MDN1: variants seen among roughly 807,000 people sequenced by gnomAD.
MDN1 encodes midasin.
A neutral mutation model predicts 669.2 loss-of-function variants in MDN1; 266 were observed. That is an observed-to-expected ratio of 0.40 (90% CI 0.36 to 0.44). The LOEUF (loss-of-function observed/expected upper bound fraction) is 0.44, where lower values mean the gene tolerates loss of function less well. Ranked by LOEUF, MDN1 falls within the 20% of genes least tolerant of loss-of-function variation. MDN1 has a pLI of 1.00. For missense variants in MDN1, 5,940 were observed against 6,754.0 expected (o/e 0.88, Z 4.22); for synonymous variants, 2,385 against 2,457.1 (o/e 0.97, Z 0.87).
chr6:89,731,765 T>G (rs551723230), intron 34 of MDN1, among the ~76,000 whole-genome samples: 22 of 151,752 alleles, frequency 1.4e-4, no homozygotes, highest in Non-Finnish European at 2.4e-4. Flanking sequence ...TCAAATAATC[T>G]GATCAATCTT....
At chr6:89,799,842 G>A (rs1329392146) in intron 2 of MDN1, among the ~76,000 whole-genome samples, 1 of 152,204 alleles carries the variant, frequency 6.6e-6, no homozygotes, top group Non-Finnish European at 1.5e-5. Context: ...TCTGGTTCCA[G>A]GACAGAGCTC....
In MDN1 at chr6:89,674,575, C is replaced by T. The variant is rs757640153; in HGVS notation, c.12776G>A (p.Cys4259Tyr). ...QWIILRNLLS[C>Y]VQEIHSRLMG... is the part of the protein sequence containing the mutation. Reference sequence around the variant, plus strand: ...CAGCCTGCTGTGAATCTCTTGCACACAGCTGAGGAGGTTCCTGTACAGAGA... The same window carrying T: ...CAGCCTGCTGTGAATCTCTTGCACATAGCTGAGGAGGTTCCTGTACAGAGA... Residue 4259 changes from cysteine to tyrosine, a missense_variant, in exon 79 of 102, where the codon TGT (cysteine) becomes TAT (tyrosine). Cys to Tyr is a radical substitution (Grantham distance 194). Around this residue, in one of 5 missense-constraint regions of MDN1, gnomAD observed 2,280 missense variants for 2,576.3 expected, o/e 0.88. Coordinates refer to ENST00000369393, the MANE Select transcript of MDN1 (RefSeq NM_014611.3). 1.9e-5 allele frequency: 30 copies of T among 1,572,350 alleles called. No homozygotes were observed. The highest frequency in any genetic ancestry group is 2.4e-5 in the Non-Finnish European group (28 of 1,165,140).
intron 90 of MDN1, among the ~76,000 whole-genome samples, chr6:89,657,348 A>G (rs1809392068): frequency 6.6e-6 from 1 of 152,206 alleles, no homozygotes; most frequent in African/African-American, 2.4e-5. Flanking sequence ...ACTAGGACTC[A>G]AAGAGACTAA....
At chr6:89,668,483 G>A (rs1460039670) in intron 83 of MDN1, among the ~76,000 whole-genome samples, 1 of 152,142 alleles carries the variant, frequency 6.6e-6, no homozygotes, top group Non-Finnish European at 1.5e-5. Flanking sequence ...TTGAGTAAGG[G>A]CAGAACAGGC....
chr6:89,654,802 TTAAACATTGTA>T (rs1809133122), intron 92 of MDN1, among the ~76,000 whole-genome samples: 1 of 152,230 alleles, frequency 6.6e-6, no homozygotes, highest in Non-Finnish European at 1.5e-5. Context: ...GACTTGATCA[TTAAACATTGTA>T]TACATGTATC....
chr6:89,663,941 T>A (rs1584119132), intron 85 of MDN1, among the ~76,000 whole-genome samples: 3 of 140,922 alleles, frequency 2.1e-5, no homozygotes, highest in Non-Finnish European at 3.1e-5. Flanking sequence ...GACTCCGTCT[T>A]AAAAAAAAAA....
Position 89,687,398 on chromosome 6 carries a change from T to C in MDN1, c.11396A>G (p.Lys3799Arg), listed in dbSNP as rs745456955. The change falls in exon 68 of 102, where the codon AAA (lysine) becomes AGA (arginine). Residue 3799 changes from lysine (K) to arginine (R), a missense_variant. Physicochemically the swap from Lys to Arg is conservative, Grantham distance 26. Around this residue, in one of 5 missense-constraint regions of MDN1, gnomAD observed 2,280 missense variants for 2,576.3 expected, o/e 0.88. Coordinates refer to ENST00000369393, the MANE Select transcript of MDN1 (RefSeq NM_014611.3). ...ENASRALSLR[K>R]HLDLISQMII... ...CATCTGACTGATCAAATCAAGATGTTTCCGCAAAGACAAAGCTCGACTTGC... is the reference window on the plus strand; with the variant it reads ...CATCTGACTGATCAAATCAAGATGTCTCCGCAAAGACAAAGCTCGACTTGC... 4.3e-6 allele frequency: 7 copies of C among 1,614,118 alleles called. No homozygotes were observed. The highest frequency in any genetic ancestry group is 4.2e-6 in the Non-Finnish European group (5 of 1,180,012).
chr6:89,784,870 T>C (rs1433931437), intron 9 of MDN1, 142 bp downstream of exon 9: 1 of 561,418 alleles, frequency 1.8e-6, no homozygotes, highest in Admixed American at 3.2e-5. Context: ...AAATAACAGA[T>C]GAAGCAAATA....
intron 17 of MDN1, 80 bp downstream of exon 17, chr6:89,761,565 T>C (rs1817548315): frequency 2.9e-6 from 3 of 1,030,064 alleles, no homozygotes; most frequent in Non-Finnish European, 4.3e-6. Context: ...ATTAAGACAA[T>C]ACAAAATAGT....
intron 82 of MDN1, among the ~76,000 whole-genome samples, chr6:89,671,982 C>A (rs1430692338): frequency 1.3e-5 from 2 of 152,224 alleles, no homozygotes; most frequent in Non-Finnish European, 2.9e-5. Context: ...GAATGGTTAG[C>A]ATTTCTGCAC....
chr6:89,683,205 C>T lies in MDN1; in HGVS notation c.12029G>A (p.Ser4010Asn). 6.2e-7 allele frequency: 1 copy of T among 1,614,164 alleles called. No homozygotes were observed. The highest frequency in any genetic ancestry group is 1.1e-5 in the South Asian group (1 of 91,088). The change falls in exon 73 of 102, where the codon AGT becomes AAT. Residue 4010 changes from serine (S) to asparagine (N), a missense_variant. Physicochemically the swap from Ser to Asn is conservative, Grantham distance 46. Coordinates refer to ENST00000369393, the MANE Select transcript of MDN1 (RefSeq NM_014611.3). ...FLPRPTDGAASELSSIQNLNR... is the reference protein window; with the variant it reads ...FLPRPTDGAANELSSIQNLNR... The stretch of plus-strand genomic sequence containing the variant: ...CAGATTCTGAATGGAAGACAGTTCA[C>T]TTGCAGCTCCATCTGTTGGCCTGGG...
intron 86 of MDN1, 144 bp downstream of exon 86, chr6:89,662,648 G>T (rs1809881684): frequency 9.2e-6 from 9 of 978,714 alleles, no homozygotes; most frequent in Middle Eastern, 2.3e-4. Context: ...CAATAAGATA[G>T]GATAGAAAAA....
intron 53 of MDN1, among the ~76,000 whole-genome samples, chr6:89,705,573 AACT>A (rs1813458590): frequency 6.6e-6 from 1 of 152,260 alleles, no homozygotes; most frequent in African/African-American, 2.4e-5. Flanking sequence ...AAGAGGAATG[AACT>A]ACTGATACAT....
chr6:89,673,364 T>G lies in MDN1; in HGVS notation c.13346A>C (p.Glu4449Ala), dbSNP rs545747429. ...CATTTGTGAGTCTCTTTGCTCAACCTCCATCCCTGGAAGAATGAACAAGGA... is the reference window on the plus strand; with the variant it reads ...CATTTGTGAGTCTCTTTGCTCAACCGCCATCCCTGGAAGAATGAACAAGGA... ...LESLFILPGM[E>A]VEQRDSQMAL... The change falls in exon 80 of 102, where the codon GAG becomes GCG. Residue 4449 changes from glutamate (E) to alanine (A), a missense_variant. This residue lies in a region of MDN1 where 2,280 missense variants were observed against 2,576.3 expected (regional missense o/e 0.88). Transcript: ENST00000369393. The G allele has an allele frequency of 6.2e-7, 1 of 1,614,186 alleles. No homozygotes were observed. Among genetic ancestry groups the G allele is most frequent in the African/African-American group, 1.3e-5 (1 of 75,038 alleles).
intron 33 of MDN1, among the ~76,000 whole-genome samples, chr6:89,737,426 C>T (rs1262278383): frequency 6.6e-6 from 1 of 151,668 alleles, no homozygotes; most frequent in East Asian, 1.9e-4. Context: ...AAAAAATGAT[C>T]CAAAAAACTA....
Position 89,781,393 on chromosome 6 carries a change from C to T in MDN1, c.1643+6G>A. 6.2e-7 allele frequency: 1 copy of T among 1,612,232 alleles called. No individual in the cohort carries two copies. The highest frequency in any genetic ancestry group is 2.2e-5 in the East Asian group (1 of 44,860). On this transcript the variant is annotated splice_donor_region_variant and intron_variant, in intron 10 of 101. Transcript: ENST00000369393. ...AAAGAAAAGAAAAAACTGTTTAGTC[C>T]AGTACCTTAGAGATAATTCTCTTCC...
At chr6:89,813,434 C>T (rs554202206) in intron 1 of MDN1, among the ~76,000 whole-genome samples, 3 of 151,816 alleles carry the variant, frequency 2.0e-5, no homozygotes, top group Non-Finnish European at 4.4e-5. Context: ...GCCTGTAATC[C>T]CAGCTACTTG....
Position 89,710,774 on chromosome 6 carries a change from C to T in MDN1, c.7672G>A (p.Glu2558Lys), listed in dbSNP as rs1336530360. The T allele has an allele frequency of 1.2e-6, 2 of 1,602,646 alleles. No homozygotes were observed. Among genetic ancestry groups the T allele is most frequent in the Non-Finnish European group, 1.7e-6 (2 of 1,174,478 alleles). The change falls in exon 50 of 102, where the codon GAA becomes AAA. Residue 2558 changes from glutamate (E) to lysine (K), a missense_variant. Coordinates refer to ENST00000369393, the MANE Select transcript of MDN1 (RefSeq NM_014611.3). ...QGLESIQIHLEASAASLRNFY... is the reference protein window; with the variant it reads ...QGLESIQIHLKASAASLRNFY... Reference sequence around the variant, plus strand: ...TTCCTGAGAGATGCAGCACTGGCTTCCAAATGAATTTGTATGGACTCTGTG... The same window carrying T: ...TTCCTGAGAGATGCAGCACTGGCTTTCAAATGAATTTGTATGGACTCTGTG...
rs1819054071 is a variant in MDN1 at position 89,787,973 on chromosome 6, A to G, written c.1231-16T>C. ...GCACAGAAACCTAAATCAGATAACA[A>G]CAACCGCACTGATAAAGTAAAGCTA... On this transcript the variant is annotated splice_polypyrimidine_tract_variant and intron_variant, in intron 7 of 101. Coordinates refer to ENST00000369393, the MANE Select transcript of MDN1 (RefSeq NM_014611.3). 2.5e-6 allele frequency: 4 copies of G among 1,573,096 alleles called. No homozygotes were observed. In the South Asian group the frequency reaches 3.3e-5, roughly 13 times the overall value.
Sources: gnomAD v4.1 joint callset for allele counts (sites outside exome capture counted in the v4.1 genomes callset) on GRCh38, gnomAD v4.1.1 for gene constraint, gnomAD v4.1.1 regional missense constraint, MANE v1.5 for transcripts, NCBI Gene and HGNC (gene_info 2026-07-23, HGNC 2026-07-21) for gene names.